Variants in ITGB6 observed in about 807,000 individuals in gnomAD.
ITGB6 encodes integrin subunit beta 6, also known as integrin beta-6.
In ITGB6, 80 loss-of-function variants were observed where a neutral mutation model predicts 84.5. The ratio of observed to expected loss-of-function variants is 0.95; its 90% CI spans 0.79 to 1.14. The LOEUF (loss-of-function observed/expected upper bound fraction) is 1.14, where lower values mean the gene tolerates loss of function less well. Ranked by LOEUF, ITGB6 falls within the 50% of genes most tolerant of loss-of-function variation. The pLI is 0.00. For synonymous variants in ITGB6, 383 were observed against 354.9 expected, an observed-to-expected ratio of 1.08 and a Z score of -0.89; for missense variants, 1,006 against 968.0, an observed-to-expected ratio of 1.04 and a Z score of -0.52.
chr2:160,180,149 C>T (rs1685607933), intron 4 of ITGB6, among the ~76,000 whole-genome samples: 1 of 151,086 alleles, frequency 6.6e-6, no homozygotes, highest in African/African-American at 2.4e-5. Context: ...AAACAACCTT[C>T]AGAATGTTGC....
At chr2:160,179,967 T>C (rs1356171723) in intron 4 of ITGB6, among the ~76,000 whole-genome samples, 1 of 142,362 alleles carries the variant, frequency 7.0e-6, no homozygotes, top group Non-Finnish European at 1.5e-5. Flanking sequence ...AAAAAAATCA[T>C]CTGGGCATGG....
chr2:160,161,377 G>T (rs956150294), intron 7 of ITGB6, among the ~76,000 whole-genome samples: 2 of 152,036 alleles, frequency 1.3e-5, no homozygotes, highest in African/African-American at 4.8e-5. Context: ...TGCAACCTCC[G>T]CCTCCCAGGT....
chr2:160,106,858 G>A (rs946992223), intron 14 of ITGB6, among the ~76,000 whole-genome samples: 4 of 152,136 alleles, frequency 2.6e-5, no homozygotes, highest in Non-Finnish European at 4.4e-5. Flanking sequence ...GGAGCATTGC[G>A]TCTACCTGTA....
chr2:160,135,920 T>C (rs1192155169), intron 10 of ITGB6, among the ~76,000 whole-genome samples: 1 of 152,130 alleles, frequency 6.6e-6, no homozygotes, highest in Non-Finnish European at 1.5e-5. Context: ...GGATTAAAGA[T>C]TTAAATATTA....
At chr2:160,123,985 TA>T in intron 11 of ITGB6, 97 bp from the exon 12 acceptor site, 1 of 795,276 alleles carries the variant, frequency 1.3e-6, no homozygotes, top group Non-Finnish European at 2.1e-6. Context: ...ATTTGTGCTA[TA>T]GGAGTATGTC....
intron 12 of ITGB6, among the ~76,000 whole-genome samples, chr2:160,122,878 C>G (rs940796719): frequency 2.6e-5 from 4 of 152,184 alleles, no homozygotes; most frequent in African/African-American, 9.7e-5. Flanking sequence ...GAGACACATC[C>G]TGGAGGGTCA....
intron 4 of ITGB6, among the ~76,000 whole-genome samples, chr2:160,180,002 A>G (rs1307430760): frequency 6.6e-6 from 1 of 150,756 alleles, no homozygotes; most frequent in African/African-American, 2.4e-5. Flanking sequence ...AATCCCAGCT[A>G]CTTGGGAGGC....
chr2:160,105,522 G>C (rs796441395), intron 14 of ITGB6, among the ~76,000 whole-genome samples: 6 of 152,142 alleles, frequency 3.9e-5, no homozygotes, highest in Non-Finnish European at 2.9e-5. Flanking sequence ...TTCCAGGAGG[G>C]TCAACCAAAG....
intron 7 of ITGB6, among the ~76,000 whole-genome samples, chr2:160,160,205 C>T (rs1684767019): frequency 1.3e-5 from 2 of 152,156 alleles, no homozygotes; most frequent in South Asian, 2.1e-4. Flanking sequence ...ACTATTTGAC[C>T]CTTTGTAGAT....
chr2:160,123,055 A>G (rs1051609024), intron 12 of ITGB6, among the ~76,000 whole-genome samples: 1 of 152,224 alleles, frequency 6.6e-6, no homozygotes, highest in East Asian at 1.9e-4. Context: ...GTCAGTCATC[A>G]TCTTTGTTTT....
intron 14 of ITGB6, 27 bp from the exon 15 acceptor site, chr2:160,101,861 A>G: frequency 7.7e-7 from 1 of 1,304,204 alleles, no homozygotes; most frequent in Non-Finnish European, 1.1e-6. Context: ...GATTCAAGTG[A>G]AAGTATGTAT....
At chr2:160,170,741 A>G (rs1040613661) in intron 6 of ITGB6, among the ~76,000 whole-genome samples, 5 of 152,240 alleles carry the variant, frequency 3.3e-5, no homozygotes, top group Non-Finnish European at 7.3e-5. Flanking sequence ...GCAGGCAGGC[A>G]TAGATACGGT....
At chr2:160,120,139 C>A (rs1682967873) in intron 12 of ITGB6, among the ~76,000 whole-genome samples, 1 of 151,974 alleles carries the variant, frequency 6.6e-6, no homozygotes. Context: ...ACTAGAAATA[C>A]TATTTGACCC....
chr2:160,155,351 G>C (rs1684585840), intron 7 of ITGB6, among the ~76,000 whole-genome samples: 3 of 152,174 alleles, frequency 2.0e-5, no homozygotes, highest in African/African-American at 7.2e-5. Flanking sequence ...TTTTAAAGCA[G>C]TGAAACTACT....
At chr2:160,160,862 T>C (rs1222958570) in intron 7 of ITGB6, among the ~76,000 whole-genome samples, 1 of 152,256 alleles carries the variant, frequency 6.6e-6, no homozygotes, top group South Asian at 2.1e-4. Flanking sequence ...CATGGGTAAC[T>C]GAATTATGCA....
chr2:160,136,901 TG>T (rs1301259785), intron 10 of ITGB6, among the ~76,000 whole-genome samples: 1 of 110,654 alleles, frequency 9.0e-6, no homozygotes, highest in Non-Finnish European at 1.8e-5. Flanking sequence ...GGGCCTGTTG[TG>T]GGGTGGGGGG....
At chr2:160,187,354 C>T (rs992530903) in intron 4 of ITGB6, among the ~76,000 whole-genome samples, 1 of 152,030 alleles carries the variant, frequency 6.6e-6, no homozygotes, top group African/African-American at 2.4e-5. Flanking sequence ...ATTTTAACAA[C>T]ATGAAACATT....
chr2:160,137,614 C>T lies in ITGB6; in HGVS notation c.1480G>A (p.Glu494Lys), dbSNP rs374801905. The change falls in exon 10 of 15, where the codon GAG becomes AAG. Residue 494 changes from glutamate (E) to lysine (K), a missense_variant. Glu to Lys is a moderately conservative substitution (Grantham distance 56). Coordinates refer to ENST00000283249, the MANE Select transcript of ITGB6 (RefSeq NM_000888.5). ...CAGGAATCTGTGCTCAGCATGTCCT[C>T]GCCACACTCACAGCGAGGCCCCATG... is the stretch of plus-strand genomic sequence containing the variant. Reference protein sequence around the residue: ...GHMGPRCECGEDMLSTDSCKE... With the variant: ...GHMGPRCECGKDMLSTDSCKE... The T allele has an allele frequency of 8.7e-6, 14 of 1,614,206 alleles. No homozygotes were observed. The highest frequency in any genetic ancestry group is 3.3e-5 in the South Asian group (3 of 91,084).
Position 160,138,201 on chromosome 2 carries a change from TTTAG to T in ITGB6, c.1108-6_1108-3del. 1 of 1,602,820 alleles carries T rather than the reference TTTAG, an allele frequency of 6.2e-7. No individual in the cohort carries two copies. Among genetic ancestry groups the T allele is most frequent in the Non-Finnish European group, 8.5e-7 (1 of 1,176,832 alleles). ...CAGTTCCACCTCAGACCGCAGTTCCTTTAGTTACAACATAAAGAGTTCAGTGAAG... is the reference window on the plus strand; with the variant it reads ...CAGTTCCACCTCAGACCGCAGTTCCTTTACAACATAAAGAGTTCAGTGAAG... On this transcript the variant is annotated splice_polypyrimidine_tract_variant and splice_region_variant and intron_variant, in intron 8 of 14. Coordinates refer to ENST00000283249, the MANE Select transcript of ITGB6 (RefSeq NM_000888.5).
Sources: allele counts gnomAD v4.1 joint callset (sites outside exome capture counted in the v4.1 genomes callset), GRCh38; gene constraint gnomAD v4.1.1; transcripts MANE v1.5; gene names NCBI Gene and HGNC (gene_info 2026-07-23, HGNC 2026-07-21).